The following MGMT variants were observed in gnomAD, a reference collection of about 807,000 sequenced individuals.
MGMT encodes O-6-methylguanine-DNA methyltransferase, also known as methylated-DNA--protein-cysteine methyltransferase.
A neutral mutation model predicts 15.9 loss-of-function variants in MGMT; 14 were observed. The ratio of observed to expected loss-of-function variants is 0.88; its 90% CI spans 0.58 to 1.37. The LOEUF is 1.37. MGMT is among the 40% of genes most tolerant of loss of function. MGMT has a pLI of 0.00. For synonymous variants in MGMT, 130 were observed against 118.2 expected (o/e 1.10, Z -0.65); for missense variants, 282 against 268.1 (o/e 1.05, Z -0.36).
At chr10:129,487,892 G>GTA (rs200132019) in intron 1 of MGMT, among the ~76,000 whole-genome samples, 1,715 of 149,630 alleles carry the variant, frequency 0.011, 17 homozygotes, top group Non-Finnish European at 0.016. Flanking sequence ...CTGTGTGTGT[G>GTA]TATATATATA....
At chr10:129,653,156 C>G (rs1321276082) in intron 2 of MGMT, among the ~76,000 whole-genome samples, 1 of 152,204 alleles carries the variant, frequency 6.6e-6, no homozygotes, top group Non-Finnish European at 1.5e-5. Flanking sequence ...TCTAGACACC[C>G]TTTATTTCAA....
chr10:129,476,407 C>A lies in MGMT; in HGVS notation c.-13+9111C>A, dbSNP rs1845295002. ...TTCTTTGGGCCTGAGACGCTTCTCC[C>A]CCAGCTGTGGAGATCATGACAGTTG... On this transcript the variant is annotated intron_variant, in intron 1 of 4. Coordinates refer to ENST00000651593, the MANE Select transcript of MGMT (RefSeq NM_002412.5). 1.3e-5 allele frequency among the ~76,000 whole-genome samples: 2 copies of A among 152,158 alleles called. 1 individual carries two copies. The highest frequency in any genetic ancestry group is 4.1e-4 in the South Asian group (2 of 4,834).
intron 4 of MGMT, among the ~76,000 whole-genome samples, chr10:129,759,666 G>C (rs56321132): frequency 3.3e-5 from 5 of 152,134 alleles, no homozygotes; most frequent in African/African-American, 1.2e-4. Flanking sequence ...TCAGGAGGTG[G>C]ACGTGTTGGG....
intron 2 of MGMT, among the ~76,000 whole-genome samples, chr10:129,644,697 G>A (rs1241030194): frequency 1.3e-5 from 2 of 152,216 alleles, no homozygotes; most frequent in Non-Finnish European, 2.9e-5. Context: ...CAGATAGCTT[G>A]GTTGTGAGGA....
intron 2 of MGMT, among the ~76,000 whole-genome samples, chr10:129,626,818 A>G (rs1847155401): frequency 6.6e-6 from 1 of 152,240 alleles, no homozygotes; most frequent in African/African-American, 2.4e-5. Context: ...AACCAATAAT[A>G]TTAACCCAGT....
intron 2 of MGMT, among the ~76,000 whole-genome samples, chr10:129,610,428 C>G (rs962969588): frequency 2.0e-5 from 3 of 152,232 alleles, no homozygotes; most frequent in Non-Finnish European, 4.4e-5. Flanking sequence ...GTATGCCCCA[C>G]CCCAGGGCCT....
At chr10:129,653,009 G>C (rs911080230) in intron 2 of MGMT, among the ~76,000 whole-genome samples, 2 of 152,236 alleles carry the variant, frequency 1.3e-5, no homozygotes, top group South Asian at 2.1e-4. Context: ...CGATCCAGTG[G>C]CTCTCGGGAT....
intron 2 of MGMT, among the ~76,000 whole-genome samples, chr10:129,640,594 C>A (rs1028118297): frequency 6.6e-6 from 1 of 151,742 alleles, no homozygotes; most frequent in Non-Finnish European, 1.5e-5. Flanking sequence ...AGAAAATACA[C>A]GAGGAAATAC....
intron 2 of MGMT, among the ~76,000 whole-genome samples, chr10:129,703,070 C>T (rs986066458): frequency 4.6e-5 from 7 of 152,110 alleles, no homozygotes; most frequent in African/African-American, 1.7e-4. Context: ...GTGTTTAATG[C>T]CATTCATTTT....
At chr10:129,523,080 C>T (rs1439287776) in intron 1 of MGMT, among the ~76,000 whole-genome samples, 1 of 152,262 alleles carries the variant, frequency 6.6e-6, no homozygotes, top group Non-Finnish European at 1.5e-5. Flanking sequence ...CAGCCTGCCA[C>T]CTCTTTACTC....
At chr10:129,574,667 C>G (rs922338886) in intron 2 of MGMT, among the ~76,000 whole-genome samples, 1 of 152,156 alleles carries the variant, frequency 6.6e-6, no homozygotes, top group African/African-American at 2.4e-5. Context: ...CGTCTAACTT[C>G]AGTTTGTCTA....
intron 3 of MGMT, among the ~76,000 whole-genome samples, chr10:129,734,496 T>C (rs1848538073): frequency 6.6e-6 from 1 of 151,820 alleles, no homozygotes; most frequent in African/African-American, 2.4e-5. Flanking sequence ...TACAATCATG[T>C]CATCTGCAAA....
chr10:129,701,360 C>G (rs1848097649), intron 2 of MGMT: 1 of 152,186 alleles, frequency 6.6e-6, no homozygotes, highest in Non-Finnish European at 1.5e-5. Flanking sequence ...GTACACAGCA[C>G]TCCCCATCTG....
intron 3 of MGMT, among the ~76,000 whole-genome samples, chr10:129,726,045 C>CATGGCT (rs2133158498): frequency 6.6e-6 from 1 of 152,178 alleles, no homozygotes; most frequent in Non-Finnish European, 1.5e-5. Context: ...ACAGCCTGGC[C>CATGGCT]ATGGCTCAGG....
intron 3 of MGMT, among the ~76,000 whole-genome samples, chr10:129,721,196 C>T (rs150853466): frequency 9.6e-4 from 146 of 152,340 alleles, no homozygotes; most frequent in African/African-American, 3.3e-3. Context: ...GTTTTCTTCC[C>T]TTCTGTCAGT....
intron 2 of MGMT, among the ~76,000 whole-genome samples, chr10:129,616,144 C>G (rs1046451345): frequency 3.3e-5 from 5 of 152,238 alleles, no homozygotes; most frequent in African/African-American, 4.8e-5. Context: ...AGGGTCAGCC[C>G]TGCAAACAAG....
At chr10:129,505,628 C>T (rs1564836763) in intron 1 of MGMT, among the ~76,000 whole-genome samples, 1 of 152,086 alleles carries the variant, frequency 6.6e-6, no homozygotes, top group Non-Finnish European at 1.5e-5. Context: ...TCCAGTATCT[C>T]AAGTCTTTGC....
intron 2 of MGMT, among the ~76,000 whole-genome samples, chr10:129,599,208 G>A (rs1287375667): frequency 6.6e-6 from 1 of 152,194 alleles, no homozygotes; most frequent in African/African-American, 2.4e-5. Flanking sequence ...TGAACAGTCA[G>A]CTATATTGGA....
At chr10:129,653,189 T>A (rs1372870260) in intron 2 of MGMT, among the ~76,000 whole-genome samples, 2 of 152,228 alleles carry the variant, frequency 1.3e-5, no homozygotes, top group Non-Finnish European at 2.9e-5. Context: ...CTGGACTTCA[T>A]GTCCGGTTAT....
Sources: allele counts gnomAD v4.1 joint callset (sites outside exome capture counted in the v4.1 genomes callset), GRCh38; gene constraint gnomAD v4.1.1; transcripts MANE v1.5; gene names NCBI Gene and HGNC (gene_info 2026-07-23, HGNC 2026-07-21).